The following LMBRD1 variants were observed in gnomAD, a reference collection of about 807,000 sequenced individuals.
LMBRD1 encodes the protein lysosomal cobalamin transport escort protein LMBD1.
LMBRD1 carries 64 observed loss-of-function variants against 74.8 expected under a neutral mutation model. The ratio of observed to expected loss-of-function variants is 0.86; its 90% CI spans 0.70 to 1.05. LMBRD1 has a LOEUF of 1.05. LMBRD1 is among the 50% of genes least tolerant of loss of function. The pLI, the probability that LMBRD1 is intolerant of heterozygous loss-of-function variation, is 0.00. For synonymous variants in LMBRD1, 204 were observed against 216.3 expected, an observed-to-expected ratio of 0.94 and a Z score of 0.50; for missense variants, 652 against 645.9, an observed-to-expected ratio of 1.01 and a Z score of -0.10.
At chr6:69,776,910 TTTGAGAC>T (rs1177818518) in intron 3 of LMBRD1, among the ~76,000 whole-genome samples, 1 of 152,170 alleles carries the variant, frequency 6.6e-6, no homozygotes, top group Non-Finnish European at 1.5e-5. Context: ...ATCCCAGCAC[TTTGAGAC>T]GGGCAGATCG....
Position 69,723,579 on chromosome 6 carries a change from A to C in LMBRD1, c.637-4498T>G, listed in dbSNP as rs532654465. 9.2e-5 allele frequency among the ~76,000 whole-genome samples: 14 copies of C among 152,248 alleles called. 1 individual carries two copies. The South Asian group carries it at 2.9e-3, about 32-fold the overall frequency. On this transcript the variant is annotated intron_variant, in intron 7 of 15. Transcript: ENST00000649934. ...TATGCTCCTAAATGACCAGTGGGTC[A>C]ATGAAGAAATTAAAAAAGAAATTGA...
intron 8 of LMBRD1, 101 bp from the exon 9 acceptor site, chr6:69,713,898 A>G: frequency 1.6e-6 from 2 of 1,258,340 alleles, no homozygotes; most frequent in Non-Finnish European, 2.3e-6. Flanking sequence ...CAGGATGGAC[A>G]CTCTTTAGGC....
rs1582124917 is a variant in LMBRD1, at chr6:69,752,264, A to G, written c.400T>C (p.Cys134Arg). Residue 134 changes from cysteine to arginine, a missense_variant, in exon 4 of 16, where the codon TGT becomes CGT. This residue lies in a region of LMBRD1 where 598 missense variants were observed against 581.8 expected (regional missense o/e 1.03). Coordinates refer to ENST00000649934, the MANE Select transcript of LMBRD1 (RefSeq NM_018368.4). ...EEKDDDDTSK[C>R]TQIKTALKYT... is the part of the protein sequence containing the mutation. ...TCTAAAATAAAGATACTTACAGTACATTTACTAGTATCATCATCATCCTTT... is the reference window on the plus strand; with the variant it reads ...TCTAAAATAAAGATACTTACAGTACGTTTACTAGTATCATCATCATCCTTT... 2 of 1,608,438 alleles carry G rather than the reference A, an allele frequency of 1.2e-6. No individual in the cohort carries two copies. The highest frequency in any genetic ancestry group is 1.7e-6 in the Non-Finnish European group (2 of 1,175,478).
At chr6:69,683,170 G>A (rs1258934621) in intron 14 of LMBRD1, among the ~76,000 whole-genome samples, 1 of 151,868 alleles carries the variant, frequency 6.6e-6, no homozygotes, top group Non-Finnish European at 1.5e-5. Context: ...GAAAAATGAT[G>A]CTCTGATCAA....
chr6:69,763,490 C>A (rs946761104), intron 3 of LMBRD1, among the ~76,000 whole-genome samples: 3 of 152,130 alleles, frequency 2.0e-5, no homozygotes, highest in Non-Finnish European at 4.4e-5. Context: ...CTTCTTGGAT[C>A]CTACAGGACC....
At chr6:69,779,956 C>A (rs1197258019) in intron 3 of LMBRD1, among the ~76,000 whole-genome samples, 1 of 152,130 alleles carries the variant, frequency 6.6e-6, no homozygotes, top group Non-Finnish European at 1.5e-5. Context: ...CAAATGCAAG[C>A]CATTAGAAAC....
intron 14 of LMBRD1, among the ~76,000 whole-genome samples, chr6:69,683,798 A>G (rs1765709849): frequency 6.6e-6 from 1 of 152,048 alleles, no homozygotes; most frequent in Non-Finnish European, 1.5e-5. Context: ...AGCAAAGAGA[A>G]TGGAAGTAGA....
At chr6:69,727,395 A>C (rs910568273) in intron 7 of LMBRD1, among the ~76,000 whole-genome samples, 4 of 152,228 alleles carry the variant, frequency 2.6e-5, no homozygotes, top group Admixed American at 1.3e-4. Context: ...TCAAAGTTTC[A>C]AATTTTGAAA....
chr6:69,784,371 C>T (rs181737586), intron 2 of LMBRD1, among the ~76,000 whole-genome samples: 1 of 152,316 alleles, frequency 6.6e-6, no homozygotes, highest in Non-Finnish European at 1.5e-5. Flanking sequence ...TTGAAACCTG[C>T]TGCATAACCC....
Position 69,705,832 on chromosome 6 carries a change from T to C in LMBRD1, c.916-3879A>G, listed in dbSNP as rs1582068892. The C allele has an allele frequency of 3.9e-6, 5 of 1,297,682 alleles. No homozygotes were observed. The East Asian group carries it at 9.3e-5, about 24-fold the overall frequency. The allele number at this position is 1,297,682 out of a possible 1,614,324, so 80.4% of individuals were successfully genotyped here. A position where few individuals can be genotyped will look rare whatever the true frequency, so the allele number is the denominator to read the frequency against. ...TGCTACTAAATGTTGTTCACTAATA[T>C]GCACTGGCCCTGAACCACACTTCAA... On this transcript the variant is annotated intron_variant, in intron 9 of 15. Transcript: ENST00000649934.
intron 8 of LMBRD1, among the ~76,000 whole-genome samples, chr6:69,718,694 C>T (rs1210707894): frequency 1.3e-5 from 2 of 152,182 alleles, no homozygotes; most frequent in Non-Finnish European, 2.9e-5. Context: ...AACTCACTCA[C>T]TATCATGAGA....
rs1049520094 is a variant in LMBRD1 at position 69,711,004 on chromosome 6, G to A, written c.915+2641C>T. Among the ~76,000 whole-genome samples the A allele has an allele frequency of 2.6e-5, 4 of 152,112 alleles. No homozygotes were observed. The South Asian group carries it at 8.3e-4, about 32-fold the overall frequency. ...CATCTACACAAAGGTTTGTACAAAAGTGTTCATATTAGCATTATTCATTAT... is the reference window on the plus strand; with the variant it reads ...CATCTACACAAAGGTTTGTACAAAAATGTTCATATTAGCATTATTCATTAT... On this transcript the variant is annotated intron_variant, in intron 9 of 15. Coordinates refer to ENST00000649934, the MANE Select transcript of LMBRD1 (RefSeq NM_018368.4).
intron 3 of LMBRD1, among the ~76,000 whole-genome samples, chr6:69,779,491 T>C (rs1346671652): frequency 6.6e-6 from 1 of 152,158 alleles, no homozygotes; most frequent in Non-Finnish European, 1.5e-5. Context: ...CAAGCAACCA[T>C]AAGTCTGGGA....
chr6:69,740,930 T>G (rs887800975), intron 6 of LMBRD1, among the ~76,000 whole-genome samples: 1 of 152,146 alleles, frequency 6.6e-6, no homozygotes, highest in Non-Finnish European at 1.5e-5. Context: ...CTTTTTTTTC[T>G]GTAAAAACCT....
At chr6:69,776,462 T>C (rs1028325024) in intron 3 of LMBRD1, among the ~76,000 whole-genome samples, 1 of 152,210 alleles carries the variant, frequency 6.6e-6, no homozygotes, top group Non-Finnish European at 1.5e-5. Context: ...AGTAACTCTA[T>C]GAAGGAAAAT....
chr6:69,739,174 A>G (rs1326789733), intron 6 of LMBRD1, among the ~76,000 whole-genome samples: 1 of 152,210 alleles, frequency 6.6e-6, no homozygotes, highest in African/African-American at 2.4e-5. Flanking sequence ...TCTCCAAAAC[A>G]GCGATGTAAA....
intron 8 of LMBRD1, among the ~76,000 whole-genome samples, chr6:69,715,188 G>A (rs1266290648): frequency 1.3e-5 from 2 of 152,044 alleles, no homozygotes; most frequent in Non-Finnish European, 2.9e-5. Context: ...GGTATGAGAA[G>A]GATTCGGCAC....
rs561314652 is a variant in LMBRD1 at position 69,676,516 on chromosome 6, G to A, written c.1443C>T (p.Tyr481=). ...PEDQCTVTRT[Y]LFLHKFWFFS... is the part of the protein sequence containing the mutation. ...AGAACCAGAACTTGTGAAGGAATAG[G>A]TATGTCCGGGTAACAGTACACTGAT... Residue 481 remains tyrosine, a synonymous_variant, in exon 15 of 16, where the codon TAC becomes TAT. Coordinates refer to ENST00000649934, the MANE Select transcript of LMBRD1 (RefSeq NM_018368.4). 1.1e-5 allele frequency: 18 copies of A among 1,613,124 alleles called. No homozygotes were observed. In the South Asian group the frequency reaches 1.6e-4, roughly 15 times the overall value.
In LMBRD1 at chr6:69,681,665, A is replaced by T. The variant is rs111936018; in HGVS notation, c.1418-5124T>A. On this transcript the variant is annotated intron_variant, in intron 14 of 15. Coordinates refer to ENST00000649934, the MANE Select transcript of LMBRD1 (RefSeq NM_018368.4). The stretch of plus-strand genomic sequence containing the variant: ...ATTTGAGAACACTCATGTAACATGG[A>T]GAATAATTTTAAAACAAGCAATTTA... Among the ~76,000 whole-genome samples the T allele has an allele frequency of 1.1e-3, 163 of 152,014 alleles. 1 individual carries two copies. The highest frequency in any genetic ancestry group is 3.7e-3 in the African/African-American group (155 of 41,530).
Sources: allele counts gnomAD v4.1 joint callset (sites outside exome capture counted in the v4.1 genomes callset), GRCh38; gene constraint gnomAD v4.1.1; regional missense constraint gnomAD v4.1.1; transcripts MANE v1.5; gene names NCBI Gene and HGNC (gene_info 2026-07-23, HGNC 2026-07-21).